Variants in EYA2 observed in about 807,000 individuals in gnomAD.
EYA2 encodes the protein protein phosphatase EYA2.
EYA2 carries 31 observed loss-of-function variants against 69.2 expected under a neutral mutation model. That is an observed-to-expected ratio of 0.45 (90% CI 0.34 to 0.60). EYA2 has a LOEUF of 0.60. Among genes scored for constraint, EYA2 ranks in the 20% least tolerant of loss-of-function variants. The probability of loss-of-function intolerance (pLI) is 0.02; values close to 1 mark genes in which losing one functional copy is unlikely to be tolerated. For missense variants in EYA2, 622 were observed against 701.2 expected, an observed-to-expected ratio of 0.89 and a Z score of 1.28; for synonymous variants, 257 against 279.4, an observed-to-expected ratio of 0.92 and a Z score of 0.80.
intron 7 of EYA2, among the ~76,000 whole-genome samples, chr20:47,080,705 T>A (rs989604472): frequency 1.3e-5 from 2 of 152,146 alleles, no homozygotes; most frequent in African/African-American, 4.8e-5. Context: ...CAGTTCCATG[T>A]GGCTGGGGAA....
At chr20:47,055,404 C>T (rs2030558585) in intron 5 of EYA2, among the ~76,000 whole-genome samples, 1 of 152,208 alleles carries the variant, frequency 6.6e-6, no homozygotes, top group African/African-American at 2.4e-5. Flanking sequence ...TGGGTGAAGG[C>T]AGATGGTCTG....
intron 1 of EYA2, among the ~76,000 whole-genome samples, chr20:46,974,250 G>A (rs1483456778): frequency 1.3e-5 from 2 of 152,250 alleles, no homozygotes; most frequent in East Asian, 1.9e-4. Context: ...CTTCATGGGG[G>A]CACAAATAAT....
intron 10 of EYA2, among the ~76,000 whole-genome samples, chr20:47,160,484 G>A (rs75547093): frequency 0.015 from 2,342 of 152,254 alleles, 59 homozygotes; most frequent in African/African-American, 0.053. Context: ...TTTGGACCAC[G>A]GTGGGGCGGG....
chr20:46,923,601 T>TG (rs570864199), intron 1 of EYA2, among the ~76,000 whole-genome samples: 144 of 152,316 alleles, frequency 9.5e-4, no homozygotes, highest in Non-Finnish European at 1.1e-3. Context: ...TTATTTTTCT[T>TG]GGGAAATACC....
chr20:47,177,198 G>A (rs1369529988), intron 12 of EYA2, among the ~76,000 whole-genome samples: 1 of 151,848 alleles, frequency 6.6e-6, no homozygotes. Context: ...CTGCACCCTC[G>A]ACCTCCTAGG....
intron 4 of EYA2, among the ~76,000 whole-genome samples, chr20:47,014,709 T>C (rs528807045): frequency 6.6e-6 from 1 of 152,072 alleles, no homozygotes; most frequent in Admixed American, 6.6e-5. Context: ...CATATGTATA[T>C]GCATATAGGT....
At chr20:46,950,461 A>T (rs772040372) in intron 1 of EYA2, among the ~76,000 whole-genome samples, 2 of 152,044 alleles carry the variant, frequency 1.3e-5, no homozygotes, top group Non-Finnish European at 2.9e-5. Context: ...GGGGTGCTGG[A>T]GCTGTGGGGA....
intron 1 of EYA2, among the ~76,000 whole-genome samples, chr20:46,982,313 G>C (rs1167431778): frequency 6.6e-6 from 1 of 152,138 alleles, no homozygotes; most frequent in Non-Finnish European, 1.5e-5. Flanking sequence ...CTGAGAAGCT[G>C]CTTCTCAGTC....
intron 1 of EYA2, among the ~76,000 whole-genome samples, chr20:46,929,303 T>C (rs1985561177): frequency 1.3e-5 from 2 of 152,134 alleles, no homozygotes; most frequent in Non-Finnish European, 2.9e-5. Flanking sequence ...GGGAACTGTT[T>C]ATAGCAGGAG....
intron 2 of EYA2, among the ~76,000 whole-genome samples, chr20:46,991,053 C>A (rs891853501): frequency 6.6e-6 from 1 of 152,232 alleles, no homozygotes; most frequent in African/African-American, 2.4e-5. Flanking sequence ...CTTGGGCTCT[C>A]ATGCCAAAAC....
chr20:46,914,124 C>T (rs372581549), intron 1 of EYA2, among the ~76,000 whole-genome samples: 9 of 152,204 alleles, frequency 5.9e-5, no homozygotes, highest in East Asian at 1.9e-4. Flanking sequence ...ACCTCTCCCT[C>T]GTTCCTAAAG....
rs551130663 is a variant in EYA2 at position 47,031,728 on chromosome 20, A to T, written c.415+15431A>T. 7.2e-5 allele frequency among the ~76,000 whole-genome samples: 11 copies of T among 152,286 alleles called. No individual in the cohort carries two copies. In the South Asian group the frequency reaches 2.3e-3, roughly 32 times the overall value. On this transcript the variant is annotated intron_variant, in intron 5 of 15. Coordinates refer to ENST00000327619, the MANE Select transcript of EYA2 (RefSeq NM_005244.5). ...TTATTTCTGACGTTTCGATGAAATG[A>T]GAACTGGGCCCACAACCAGGGTCTG...
At chr20:47,170,432 A>C (rs1047464354) in intron 11 of EYA2, among the ~76,000 whole-genome samples, 1 of 151,810 alleles carries the variant, frequency 6.6e-6, no homozygotes, top group East Asian at 2.0e-4. Context: ...GGATCACCTG[A>C]GGTCAGGAGT....
chr20:46,973,759 T>C (rs1016719834), intron 1 of EYA2, among the ~76,000 whole-genome samples: 2 of 150,884 alleles, frequency 1.3e-5, no homozygotes, highest in Non-Finnish European at 2.9e-5. Flanking sequence ...AAAAAACTTC[T>C]AGCCCCACTA....
At chr20:47,126,407 C>A (rs1196297738) in intron 9 of EYA2, among the ~76,000 whole-genome samples, 1 of 152,122 alleles carries the variant, frequency 6.6e-6, no homozygotes, top group Non-Finnish European at 1.5e-5. Context: ...CGTGGGTTTT[C>A]GTGAGGTTAA....
chr20:46,971,826 G>C (rs554144935), intron 1 of EYA2, among the ~76,000 whole-genome samples: 1 of 152,350 alleles, frequency 6.6e-6, no homozygotes, highest in South Asian at 2.1e-4. Flanking sequence ...ATGTAACACT[G>C]TGAGGCTGTA....
chr20:47,045,106 T>C (rs2146423020), intron 5 of EYA2, among the ~76,000 whole-genome samples: 1 of 152,214 alleles, frequency 6.6e-6, no homozygotes, highest in Middle Eastern at 3.4e-3. Flanking sequence ...TAATGGATCA[T>C]TTCTCGTAAT....
intron 1 of EYA2, among the ~76,000 whole-genome samples, chr20:46,931,977 C>G (rs1168030214): frequency 6.7e-6 from 1 of 150,372 alleles, no homozygotes; most frequent in Non-Finnish European, 1.5e-5. Context: ...GATCTAGTAT[C>G]CCCTGAAATT....
chr20:47,047,385 T>C (rs1600667936), intron 5 of EYA2, among the ~76,000 whole-genome samples: 1 of 147,302 alleles, frequency 6.8e-6, no homozygotes, highest in African/African-American at 2.6e-5. Flanking sequence ...TTATTTTTTG[T>C]CTCTCTCTCT....
Sources: gnomAD v4.1 joint callset for allele counts (sites outside exome capture counted in the v4.1 genomes callset) on GRCh38, gnomAD v4.1.1 for gene constraint, MANE v1.5 for transcripts, NCBI Gene and HGNC (gene_info 2026-07-23, HGNC 2026-07-21) for gene names.